The following IKZF2 variants were observed in gnomAD, a reference collection of about 807,000 sequenced individuals.
The protein encoded by IKZF2 is IKAROS family zinc finger 2, also known as zinc finger protein Helios.
IKZF2 carries 15 observed loss-of-function variants against 49.2 expected under a neutral mutation model. The observed-to-expected ratio is 0.30, with a 90% CI of 0.20 to 0.47. The LOEUF (loss-of-function observed/expected upper bound fraction) is 0.47, where lower values mean the gene tolerates loss of function less well. IKZF2 is among the 20% of genes least tolerant of loss of function. The probability of loss-of-function intolerance (pLI) is 1.00; values close to 1 mark genes in which losing one functional copy is unlikely to be tolerated. For synonymous variants in IKZF2, 227 were observed against 221.4 expected (o/e 1.03, Z -0.23); for missense variants, 567 against 664.6 (o/e 0.85, Z 1.61).
chr2:213,124,798 A>G (rs1364075501), intron 4 of IKZF2, among the ~76,000 whole-genome samples: 5 of 152,208 alleles, frequency 3.3e-5, no homozygotes, highest in African/African-American at 1.2e-4. Flanking sequence ...TCAATTGACA[A>G]ACTCAGAGTT....
intron 4 of IKZF2, among the ~76,000 whole-genome samples, chr2:213,099,058 C>T (rs975197475): frequency 3.3e-5 from 5 of 151,944 alleles, no homozygotes; most frequent in Admixed American, 6.6e-5. Context: ...ATGAAGAAAA[C>T]AAGATAAAAA....
chr2:213,030,743 A>G (rs886417178), intron 6 of IKZF2, among the ~76,000 whole-genome samples: 2 of 152,062 alleles, frequency 1.3e-5, no homozygotes, highest in Admixed American at 1.3e-4. Context: ...TTTTGTGAAC[A>G]TACTGTGAAG....
intron 7 of IKZF2, among the ~76,000 whole-genome samples, chr2:213,020,048 TAATA>T (rs1697034412): frequency 6.6e-6 from 1 of 152,036 alleles, no homozygotes; most frequent in Non-Finnish European, 1.5e-5. Flanking sequence ...AATGCAAAAA[TAATA>T]AATAAAGTTG....
At chr2:213,111,441 T>C (rs1045244820) in intron 4 of IKZF2, among the ~76,000 whole-genome samples, 1 of 152,076 alleles carries the variant, frequency 6.6e-6, no homozygotes, top group Admixed American at 6.5e-5. Flanking sequence ...ATTACTAAAT[T>C]ATTTTATTGT....
chr2:213,121,246 A>G (rs767474936), intron 4 of IKZF2, among the ~76,000 whole-genome samples: 53 of 152,172 alleles, frequency 3.5e-4, no homozygotes, highest in Non-Finnish European at 7.1e-4. Flanking sequence ...ATTATATAAT[A>G]TTTCTACTGA....
chr2:213,067,439 G>A (rs1353271875), intron 4 of IKZF2, among the ~76,000 whole-genome samples: 1 of 152,048 alleles, frequency 6.6e-6, no homozygotes, highest in Non-Finnish European at 1.5e-5. Flanking sequence ...AAAAAGGCAT[G>A]AGTACATGTT....
chr2:213,095,052 A>G (rs973910845), intron 4 of IKZF2, among the ~76,000 whole-genome samples: 1 of 152,180 alleles, frequency 6.6e-6, no homozygotes, highest in South Asian at 2.1e-4. Flanking sequence ...GTTCATAAAC[A>G]TCCATAAAGG....
intron 6 of IKZF2, among the ~76,000 whole-genome samples, chr2:213,035,095 T>G (rs1226719815): frequency 6.6e-6 from 1 of 152,180 alleles, no homozygotes; most frequent in Non-Finnish European, 1.5e-5. Context: ...GATCTCAAAT[T>G]CTAACCCTAA....
chr2:213,133,619 T>G (rs1297818954), intron 4 of IKZF2, among the ~76,000 whole-genome samples: 2 of 151,594 alleles, frequency 1.3e-5, no homozygotes, highest in African/African-American at 4.9e-5. Context: ...TAATCTCAGC[T>G]TCTCGGGAGG....
chr2:213,034,953 G>A (rs1488258499), intron 6 of IKZF2, among the ~76,000 whole-genome samples: 5 of 152,184 alleles, frequency 3.3e-5, no homozygotes, highest in Non-Finnish European at 7.3e-5. Context: ...TCAGGCTTAT[G>A]AGTAAGCAAA....
chr2:213,038,822 C>T (rs1053824308), intron 6 of IKZF2, among the ~76,000 whole-genome samples: 7 of 152,036 alleles, frequency 4.6e-5, no homozygotes, highest in African/African-American at 1.2e-4. Context: ...TTTAAAGAAA[C>T]GATGTGATTG....
At chr2:213,091,479 AG>A in intron 4 of IKZF2, among the ~76,000 whole-genome samples, 1 of 152,334 alleles carries the variant, frequency 6.6e-6, no homozygotes, top group East Asian at 1.9e-4. Flanking sequence ...TGTGTGCCAT[AG>A]GGCTATTTTC....
At position 213,036,325 on chromosome 2, in the gene IKZF2, C is replaced by T. The variant is rs1356458320; in HGVS notation, c.574+13388G>A. On this transcript the variant is annotated intron_variant, in intron 6 of 8. Coordinates refer to ENST00000434687, the MANE Select transcript of IKZF2 (RefSeq NM_001387220.1). ...TGAGGACATTAGGTAACATCTCTTT[C>T]TTTAAACTTGACTCTACTTATCTGC... Among the ~76,000 whole-genome samples, 5 of 152,116 alleles carry T rather than the reference C, an allele frequency of 3.3e-5. No individual in the cohort carries two copies. The East Asian group carries it at 7.7e-4, about 23-fold the overall frequency.
At chr2:213,066,556 G>C (rs1246442808) in intron 4 of IKZF2, among the ~76,000 whole-genome samples, 1 of 152,082 alleles carries the variant, frequency 6.6e-6, no homozygotes, top group Non-Finnish European at 1.5e-5. Context: ...CTCAGATGCA[G>C]GATTGGTCAG....
intron 4 of IKZF2, among the ~76,000 whole-genome samples, chr2:213,142,876 C>T (rs1287340429): frequency 3.3e-5 from 5 of 152,000 alleles, no homozygotes; most frequent in Non-Finnish European, 7.4e-5. Flanking sequence ...CCTCTACCTT[C>T]TCTCGCTCTA....
chr2:213,130,915 T>C (rs2060456472), intron 4 of IKZF2, among the ~76,000 whole-genome samples: 1 of 152,114 alleles, frequency 6.6e-6, no homozygotes, highest in Non-Finnish European at 1.5e-5. Flanking sequence ...TGTTACAATG[T>C]AAACAAAGAG....
chr2:213,064,916 T>C (rs1031298609), intron 4 of IKZF2, among the ~76,000 whole-genome samples: 1 of 152,044 alleles, frequency 6.6e-6, no homozygotes, highest in Admixed American at 6.6e-5. Flanking sequence ...GCAGAGTTCA[T>C]ATTACTCTTC....
intron 8 of IKZF2, among the ~76,000 whole-genome samples, chr2:213,009,113 G>A: frequency 6.6e-6 from 1 of 152,008 alleles, no homozygotes; most frequent in Admixed American, 6.6e-5. Flanking sequence ...ATGTGTATGT[G>A]ATAGTGCTGG....
chr2:213,035,615 G>A (rs1698942175), intron 6 of IKZF2, among the ~76,000 whole-genome samples: 1 of 152,168 alleles, frequency 6.6e-6, no homozygotes, highest in African/African-American at 2.4e-5. Flanking sequence ...AAACGCTGAA[G>A]GTGTTGACTT....
Sources: allele counts gnomAD v4.1 joint callset (sites outside exome capture counted in the v4.1 genomes callset), GRCh38; gene constraint gnomAD v4.1.1; transcripts MANE v1.5; gene names NCBI Gene and HGNC (gene_info 2026-07-23, HGNC 2026-07-21).